The following COL25A1 variants were observed in gnomAD, a reference collection of about 807,000 sequenced individuals.
COL25A1 encodes the protein collagen alpha-1(XXV) chain.
In COL25A1, 103 loss-of-function variants were observed where a neutral mutation model predicts 128.4. The observed-to-expected ratio is 0.80, with a 90% confidence interval of 0.68 to 0.94. The LOEUF (loss-of-function observed/expected upper bound fraction) is 0.94. COL25A1 is among the 40% of genes least tolerant of loss of function. The pLI is 0.00. For synonymous variants in COL25A1, 279 were observed against 277.2 expected, an observed-to-expected ratio of 1.01 and a Z score of -0.06; for missense variants, 745 against 840.0, an observed-to-expected ratio of 0.89 and a Z score of 1.40.
intron 3 of COL25A1, among the ~76,000 whole-genome samples, chr4:109,171,915 G>A (rs1418856040): frequency 1.3e-5 from 2 of 152,206 alleles, no homozygotes. Context: ...AGTCTCCACA[G>A]AGAATATGGG....
At chr4:108,822,984 G>T (rs1318055500) in intron 35 of COL25A1, among the ~76,000 whole-genome samples, 1 of 152,082 alleles carries the variant, frequency 6.6e-6, no homozygotes, top group Non-Finnish European at 1.5e-5. Flanking sequence ...GATGATGATG[G>T]GGCTTTCAGA....
intron 8 of COL25A1, among the ~76,000 whole-genome samples, chr4:108,949,233 G>A (rs925120222): frequency 6.6e-6 from 1 of 152,148 alleles, no homozygotes; most frequent in Admixed American, 6.5e-5. Flanking sequence ...AACATCAAGA[G>A]AACAGTACTG....
intron 13 of COL25A1, among the ~76,000 whole-genome samples, chr4:108,916,781 G>T (rs1049029600): frequency 6.6e-6 from 1 of 152,154 alleles, no homozygotes; most frequent in African/African-American, 2.4e-5. Flanking sequence ...GATTTGTGAA[G>T]CAAATGGATA....
intron 11 of COL25A1, among the ~76,000 whole-genome samples, chr4:108,924,217 A>G (rs957236206): frequency 6.3e-4 from 96 of 152,308 alleles, no homozygotes; most frequent in African/African-American, 2.1e-3. Context: ...AATTCTAAGC[A>G]TGGAGTAACA....
At chr4:109,074,107 G>A (rs1763206305) in intron 3 of COL25A1, among the ~76,000 whole-genome samples, 1 of 152,160 alleles carries the variant, frequency 6.6e-6, no homozygotes, top group African/African-American at 2.4e-5. Flanking sequence ...TAAGGAGCAT[G>A]CAACCTAGAT....
chr4:108,865,062 T>C (rs1449996860), intron 20 of COL25A1, among the ~76,000 whole-genome samples: 1 of 152,226 alleles, frequency 6.6e-6, no homozygotes, highest in Non-Finnish European at 1.5e-5. Flanking sequence ...TGAATATTTT[T>C]AAAAACTTGC....
chr4:109,046,598 C>G (rs187904989), intron 5 of COL25A1, among the ~76,000 whole-genome samples: 25 of 152,252 alleles, frequency 1.6e-4, no homozygotes, highest in African/African-American at 6.0e-4. Flanking sequence ...GACTCCTAGA[C>G]CTAAGGCATG....
chr4:109,248,785 G>A (rs540134942), intron 3 of COL25A1, among the ~76,000 whole-genome samples: 1 of 152,220 alleles, frequency 6.6e-6, no homozygotes, highest in African/African-American at 2.4e-5. Context: ...ATTTTTCAGG[G>A]ACAAAGCATG....
intron 11 of COL25A1, among the ~76,000 whole-genome samples, chr4:108,922,092 T>C (rs781668206): frequency 9.9e-5 from 15 of 152,178 alleles, no homozygotes; most frequent in African/African-American, 2.9e-4. Flanking sequence ...CAGGGATCTT[T>C]TGCAATCAGT....
At chr4:108,934,556 C>A (rs973969331) in intron 11 of COL25A1, among the ~76,000 whole-genome samples, 1 of 152,062 alleles carries the variant, frequency 6.6e-6, no homozygotes, top group African/African-American at 2.4e-5. Flanking sequence ...TTCTAGTATC[C>A]TCTTCTCTCT....
intron 3 of COL25A1, among the ~76,000 whole-genome samples, chr4:109,102,461 AG>A (rs1765987780): frequency 6.6e-6 from 1 of 152,138 alleles, no homozygotes; most frequent in African/African-American, 2.4e-5. Flanking sequence ...GCACTTAAAC[AG>A]ACTCTTCTGT....
intron 3 of COL25A1, among the ~76,000 whole-genome samples, chr4:109,083,676 C>T (rs1338277860): frequency 6.6e-6 from 1 of 151,824 alleles, no homozygotes. Flanking sequence ...GTTAGCCAGG[C>T]TGGTCTCGAA....
At chr4:108,836,163 C>T (rs1344873771) in intron 31 of COL25A1, among the ~76,000 whole-genome samples, 1 of 151,980 alleles carries the variant, frequency 6.6e-6, no homozygotes, top group Non-Finnish European at 1.5e-5. Flanking sequence ...AGCCACCGTG[C>T]CCGGCCTTAC....
At chr4:109,247,480 C>T (rs1234941647) in intron 3 of COL25A1, among the ~76,000 whole-genome samples, 1 of 152,086 alleles carries the variant, frequency 6.6e-6, no homozygotes, top group Non-Finnish European at 1.5e-5. Flanking sequence ...GCAATTAAGA[C>T]CAGCTCAAAC....
intron 3 of COL25A1, among the ~76,000 whole-genome samples, chr4:109,241,452 T>C (rs1178149268): frequency 2.0e-5 from 3 of 151,998 alleles, no homozygotes; most frequent in Non-Finnish European, 2.9e-5. Flanking sequence ...GTTTTAATAA[T>C]CAAGATCTAT....
rs530644955 is a variant in COL25A1, at chr4:108,998,958, ATTAAC to A, written c.438+11395_438+11399del. ...TCCCTTCTTTACACCATATACAAAA[ATTAAC>A]TTAAGATGGATAAAAGACTTAAATG... On this transcript the variant is annotated intron_variant, in intron 6 of 37. Transcript: ENST00000399132. Among the ~76,000 whole-genome samples, 14 of 152,374 alleles carry A rather than the reference ATTAAC, an allele frequency of 9.2e-5. No individual in the cohort carries two copies. In the South Asian group the frequency reaches 2.5e-3, roughly 27 times the overall value.
chr4:109,050,064 A>T, intron 4 of COL25A1, 71 bp downstream of exon 4: 1 of 1,242,962 alleles, frequency 8.0e-7, no homozygotes, highest in Non-Finnish European at 1.2e-6. Context: ...TATTATCATT[A>T]ATTAGGAAGA....
intron 3 of COL25A1, among the ~76,000 whole-genome samples, chr4:109,055,762 G>A (rs575596930): frequency 6.6e-6 from 1 of 152,166 alleles, no homozygotes; most frequent in East Asian, 1.9e-4. Flanking sequence ...ACTTTAAAGG[G>A]GCACTGTCTA....
At chr4:109,216,118 A>T (rs10488876) in intron 3 of COL25A1, among the ~76,000 whole-genome samples, 13,138 of 152,096 alleles carry the variant, frequency 0.086, 1,184 homozygotes, top group African/African-American at 0.23. Context: ...TCTATATGTT[A>T]AATGTCACTT....
Sources: gnomAD v4.1 joint callset for allele counts (sites outside exome capture counted in the v4.1 genomes callset) on GRCh38, gnomAD v4.1.1 for gene constraint, MANE v1.5 for transcripts, NCBI Gene and HGNC (gene_info 2026-07-23, HGNC 2026-07-21) for gene names.